KLF8: variants seen among roughly 807,000 people sequenced by gnomAD.
The protein encoded by KLF8 is Krueppel-like factor 8.
KLF8 carries 10 observed loss-of-function variants against 18.2 expected under a neutral mutation model. That is an observed-to-expected ratio of 0.55 (90% CI 0.34 to 0.93). The LOEUF is 0.93. Ranked by LOEUF, KLF8 falls within the 40% of genes least tolerant of loss-of-function variation. The probability of loss-of-function intolerance (pLI) is 0.02; values close to 1 mark genes in which losing one functional copy is unlikely to be tolerated. For missense variants in KLF8, 264 were observed against 277.9 expected (o/e 0.95, Z 0.36); for synonymous variants, 109 against 97.3 (o/e 1.12, Z -0.71).
the KLF8 span, among the ~76,000 whole-genome samples, chrX:55,942,540 A>G: frequency 1.8e-5 from 2 of 111,850 alleles, no homozygotes; most frequent in Admixed American, 9.5e-5. Context: ...TAATAAAAAA[A>G]GAATCTAGTC....
the KLF8 span, among the ~76,000 whole-genome samples, chrX:56,064,421 A>T: frequency 9.2e-6 from 1 of 108,847 alleles, no homozygotes; most frequent in Non-Finnish European, 1.9e-5. Flanking sequence ...ATGTGAAGTG[A>T]GTTTCTTGTG....
chrX:56,270,130 TAGCC>T, intron 4 of KLF8, 48 bp from the exon 5 acceptor site: 1 of 1,124,464 alleles, frequency 8.9e-7, no homozygotes, highest in Admixed American at 2.7e-5. Context: ...TTCATTTTTT[TAGCC>T]TTCACTTTAA....
chrX:55,976,209 CT>C, the KLF8 span, among the ~76,000 whole-genome samples: 6 of 111,962 alleles, frequency 5.4e-5, no homozygotes, highest in African/African-American at 1.9e-4. Context: ...ACATAGTTAC[CT>C]TTTTTGGTAG....
the KLF8 span, among the ~76,000 whole-genome samples, chrX:55,939,118 G>T: frequency 9.0e-6 from 1 of 111,410 alleles, no homozygotes; most frequent in Non-Finnish European, 1.9e-5. Context: ...TGACCACATG[G>T]TTGGAAGTAA....
the KLF8 span, among the ~76,000 whole-genome samples, chrX:56,109,969 T>C: frequency 5.8e-4 from 64 of 110,409 alleles, no homozygotes; most frequent in East Asian, 1.4e-3. Flanking sequence ...CATTGTGTGT[T>C]GTTCCCCTCC....
the KLF8 span, among the ~76,000 whole-genome samples, chrX:56,209,272 A>ACTCCTG: frequency 9.1e-6 from 1 of 109,367 alleles, no homozygotes; most frequent in Non-Finnish European, 1.9e-5. Flanking sequence ...TAATATAGTT[A>ACTCCTG]CTCCTGCTCT....
chrX:55,937,435 A>T, the KLF8 span, among the ~76,000 whole-genome samples: 552 of 112,298 alleles, frequency 4.9e-3, 2 homozygotes, highest in Middle Eastern at 0.014. Flanking sequence ...AAAACAGAGC[A>T]GAAAAACCAG....
intron 2 of KLF8, among the ~76,000 whole-genome samples, chrX:56,255,544 G>T (rs917547881): frequency 8.9e-6 from 1 of 111,881 alleles, no homozygotes; most frequent in East Asian, 2.8e-4. Context: ...ACTAGCTGTG[G>T]GTCTGTTTTA....
At chrX:56,038,295 G>A in the KLF8 span, among the ~76,000 whole-genome samples, 1 of 111,543 alleles carries the variant, frequency 9.0e-6, no homozygotes, top group African/African-American at 3.3e-5. Flanking sequence ...TGCCCATGGT[G>A]GTTTGCTACA....
the KLF8 span, among the ~76,000 whole-genome samples, chrX:55,919,935 C>A: frequency 8.9e-6 from 1 of 112,178 alleles, no homozygotes; most frequent in African/African-American, 3.2e-5. Context: ...GAAAGCACCA[C>A]TTCCTGGCTG....
At chrX:56,174,096 C>A in the KLF8 span, among the ~76,000 whole-genome samples, 1 of 111,487 alleles carries the variant, frequency 9.0e-6, no homozygotes, top group Non-Finnish European at 1.9e-5. Flanking sequence ...TTTCCTTCTC[C>A]TTCCTGATTG....
At chrX:56,243,287 ATCT>A (rs1275241952) in intron 1 of KLF8, 2 of 401,001 alleles carry the variant, frequency 5.0e-6, no homozygotes, top group East Asian at 1.0e-4. Flanking sequence ...GGGTGTGTGG[ATCT>A]TCTTTTTTGT....
the KLF8 span, among the ~76,000 whole-genome samples, chrX:56,162,516 G>A: frequency 2.9e-4 from 32 of 111,740 alleles, no homozygotes; most frequent in Non-Finnish European, 5.6e-4. Flanking sequence ...TTTGATCTCA[G>A]ACTGCTGTGC....
At chrX:56,070,931 A>G in the KLF8 span, among the ~76,000 whole-genome samples, 9,083 of 112,067 alleles carry the variant, frequency 0.081, 908 homozygotes, top group African/African-American at 0.28. Flanking sequence ...TGTATTGGGA[A>G]TATATGCATC....
At chrX:56,058,930 G>A in the KLF8 span, among the ~76,000 whole-genome samples, 3 of 111,895 alleles carry the variant, frequency 2.7e-5, no homozygotes, top group African/African-American at 9.8e-5. Flanking sequence ...TTGACACACT[G>A]TCTTCCACAA....
chrX:56,188,428 G>A, the KLF8 span, among the ~76,000 whole-genome samples: 105 of 111,820 alleles, frequency 9.4e-4, no homozygotes, highest in Non-Finnish European at 1.6e-3. Flanking sequence ...TCAATATCAT[G>A]AAAATGGCCA....
At chrX:55,989,500 A>C in the KLF8 span, among the ~76,000 whole-genome samples, 1 of 112,205 alleles carries the variant, frequency 8.9e-6, no homozygotes, top group African/African-American at 3.2e-5. Flanking sequence ...TATTCTGGAT[A>C]ACGTTTACTG....
the KLF8 span, among the ~76,000 whole-genome samples, chrX:56,050,928 C>A: frequency 9.2e-6 from 1 of 109,164 alleles, no homozygotes; most frequent in African/African-American, 3.3e-5. Context: ...TCACTCAGGA[C>A]TTGCTTTATG....
chrX:56,040,521 T>A, the KLF8 span, among the ~76,000 whole-genome samples: 1 of 112,155 alleles, frequency 8.9e-6, no homozygotes, highest in African/African-American at 3.2e-5. Flanking sequence ...ACGTGATTAA[T>A]CACATTTATT....
Sources: gnomAD v4.1 joint callset for allele counts (sites outside exome capture counted in the v4.1 genomes callset) on GRCh38, gnomAD v4.1.1 for gene constraint, MANE v1.5 for transcripts, NCBI Gene and HGNC (gene_info 2026-07-23, HGNC 2026-07-21) for gene names.